Variants in TMEM54 observed in about 807,000 individuals in gnomAD.
TMEM54 encodes beta-casein-like protein.
In TMEM54, 21 loss-of-function variants were observed where a neutral mutation model predicts 21.3. The ratio of observed to expected loss-of-function variants is 0.99; its 90% CI spans 0.70 to 1.42. The LOEUF (loss-of-function observed/expected upper bound fraction) is 1.42, where lower values mean the gene tolerates loss of function less well. Among genes scored for constraint, TMEM54 ranks in the 40% most tolerant of loss-of-function variants. The pLI is 0.00. For missense variants in TMEM54, 246 were observed against 294.0 expected (o/e 0.84, Z 1.19); for synonymous variants, 109 against 125.0 (o/e 0.87, Z 0.86).
rs1052878528 is a variant in TMEM54, at chr1:32,895,549, A to G, written c.459+6T>C. Reference sequence around the variant, plus strand: ...TGGTGCCCCTACTCCAGGCCTAGGTACTCACATAAATGCGTGTGGGGTCGA... The same window carrying G: ...TGGTGCCCCTACTCCAGGCCTAGGTGCTCACATAAATGCGTGTGGGGTCGA... On this transcript the variant is annotated splice_donor_region_variant and intron_variant, in intron 4 of 5. Transcript: ENST00000373463. This position sits in a 1 kb window ranked among gnomAD's most constrained non-coding sequence, Gnocchi z 5.8. The G allele has an allele frequency of 4.4e-6, 7 of 1,592,794 alleles. No homozygotes were observed. The Admixed American group carries it at 1.3e-4, about 29-fold the overall frequency.
chr1:32,894,923 T>G (rs750916916), intron 5 of TMEM54, 44 bp from the exon 6 acceptor site: 1 of 1,595,922 alleles, frequency 6.3e-7, no homozygotes, highest in East Asian at 2.3e-5. Flanking sequence ...GTTCTCAGCC[T>G]GGGTCTCCTC....
Position 32,896,959 on chromosome 1 carries a change from G to C in TMEM54, c.211-990C>G, listed in dbSNP as rs1373916380. 6.6e-6 allele frequency among the ~76,000 whole-genome samples: 1 copy of C among 152,252 alleles called. No homozygotes were observed. Among genetic ancestry groups the C allele is most frequent in the African/African-American group, 2.4e-5 (1 of 41,464 alleles). Reference sequence around the variant, plus strand: ...TCAGCAGGAGGTTGGGTGAATCCCTGAGTCTTGGTTTCCTCTTTTGTGAAA... The same window carrying C: ...TCAGCAGGAGGTTGGGTGAATCCCTCAGTCTTGGTTTCCTCTTTTGTGAAA... On this transcript the variant is annotated intron_variant, in intron 2 of 5. Coordinates refer to ENST00000373463, the MANE Select transcript of TMEM54 (RefSeq NM_033504.4). This position sits in a 1 kb window ranked among gnomAD's most constrained non-coding sequence, Gnocchi z 4.1.
chr1:32,895,069 GC>G lies in TMEM54; in HGVS notation c.595-191del, dbSNP rs772914609. 1.0e-4 allele frequency: 88 copies of G among 859,184 alleles called. 2 individuals are homozygous for G. Among genetic ancestry groups the G allele is most frequent in the Non-Finnish European group, 2.4e-5 (17 of 714,786 alleles). 53.2% of individuals were successfully genotyped at this position (859,184 alleles called of 1,614,324 possible). Reference sequence around the variant, plus strand: ...CCTCAGTGCGAGCCCAGACACCCCTGCCCCTCCCTCAAGACTCATCCTGGGC... The same window carrying G: ...CCTCAGTGCGAGCCCAGACACCCCTGCCCTCCCTCAAGACTCATCCTGGGC... On this transcript the variant is annotated intron_variant, in intron 5 of 5. Coordinates refer to ENST00000373463, the MANE Select transcript of TMEM54 (RefSeq NM_033504.4). This position sits in a 1 kb window ranked among gnomAD's most constrained non-coding sequence, Gnocchi z 5.8.
chr1:32,895,433 T>C lies in TMEM54; in HGVS notation c.466A>G (p.Ser156Gly). Residue 156 changes from serine to glycine, a missense_variant, in exon 5 of 6, where the codon AGC becomes GGC. Physicochemically the swap from Ser to Gly is moderately conservative, Grantham distance 56 (BLOSUM62 0). Coordinates refer to ENST00000373463, the MANE Select transcript of TMEM54 (RefSeq NM_033504.4). The surrounding 1 kb of genome is among the most constrained non-coding windows in gnomAD (Gnocchi z 5.8). ...AGGGCGATGCCCCAGAGGCACAGGC[T>C]GGAGCTCTGCGGGGCATGGGGCAGA... Reference protein sequence around the residue: ...PFDPTRIYSSSLCLWGIALVL... With the variant: ...PFDPTRIYSSGLCLWGIALVL... 6.2e-7 allele frequency: 1 copy of C among 1,611,214 alleles called. No homozygotes were observed. Among genetic ancestry groups the C allele is most frequent in the Non-Finnish European group, 8.5e-7 (1 of 1,177,884 alleles).
In TMEM54 at chr1:32,901,126, C is replaced by G. The variant is rs1570044173; in HGVS notation, c.16+97G>C. The G allele has an allele frequency of 8.5e-6, 11 of 1,289,438 alleles. No homozygotes were observed. The East Asian group carries it at 3.3e-4, about 38-fold the overall frequency. The allele number at this position is 1,289,438 out of a possible 1,614,324, so 79.9% of individuals were successfully genotyped here. A position where few individuals can be genotyped will look rare whatever the true frequency, so the allele number is the denominator to read the frequency against. On this transcript the variant is annotated intron_variant, in intron 1 of 5. Coordinates refer to ENST00000373463, the MANE Select transcript of TMEM54 (RefSeq NM_033504.4). This position sits in a 1 kb window ranked among gnomAD's most constrained non-coding sequence, Gnocchi z 4.2. ...AGTAAGTTAGAGGCAGAGCAGGTGG[C>G]CTGGCCCCCTGGGGGCTCGGGTTCC...
rs776462084 is a variant in TMEM54 at position 32,895,650 on chromosome 1, T to C, written c.364A>G (p.Thr122Ala). ...GCAGCCAGCAGTGCCTTGCCCTGGG[T>C]GGCAAAGGTCATGGCGATGGAGGCC... is the stretch of plus-strand genomic sequence containing the variant. ...LLASIAMTFA[T>A]QGKALLAACT... The change falls in exon 4 of 6, where the codon ACC (threonine) becomes GCC (alanine). Residue 122 changes from threonine to alanine, a missense_variant. Transcript: ENST00000373463. The surrounding 1 kb of genome is among the most constrained non-coding windows in gnomAD (Gnocchi z 5.8). 1.3e-6 allele frequency: 2 copies of C among 1,564,716 alleles called. No homozygotes were observed. The highest frequency in any genetic ancestry group is 2.4e-5 in the East Asian group (1 of 42,456).
At position 32,895,967 on chromosome 1, in the gene TMEM54, G is replaced by T; in HGVS notation, c.213C>A (p.Val71=). Reference sequence around the variant, plus strand: ...CGATGGCTGCGATGCCTGAAGTGATGACCTGTAGGGAAGGCTCAAGTCAGC... The same window carrying T: ...CGATGGCTGCGATGCCTGAAGTGATTACCTGTAGGGAAGGCTCAAGTCAGC... ...NILSVTSAIV[V]ITSGIAAIVL... is the part of the protein sequence containing the mutation. The change falls in exon 3 of 6, where the codon GTC becomes GTA. Residue 71 remains valine (V), a splice_region_variant and synonymous_variant. Coordinates refer to ENST00000373463, the MANE Select transcript of TMEM54 (RefSeq NM_033504.4). This position sits in a 1 kb window ranked among gnomAD's most constrained non-coding sequence, Gnocchi z 5.8. 1.2e-6 allele frequency: 2 copies of T among 1,612,948 alleles called. No individual in the cohort carries two copies. The highest frequency in any genetic ancestry group is 1.1e-5 in the South Asian group (1 of 90,832).
chr1:32,899,748 T>G (rs953754432), intron 1 of TMEM54, among the ~76,000 whole-genome samples: 1 of 152,196 alleles, frequency 6.6e-6, no homozygotes. Context: ...CTGGGACATC[T>G]GTCTGAAGCT....
Position 32,898,201 on chromosome 1 carries a change from G to A in TMEM54, c.135C>T (p.Tyr45=), listed in dbSNP as rs372792305. ...CCACCGCATCTTGAGGGGTGCCCAC[G>A]TAGCGCAGCACTGTGCCATGGAACA... is the stretch of plus-strand genomic sequence containing the variant. ...AALFHGTVLR[Y]VGTPQDAVAL... is the part of the protein sequence containing the mutation. The change falls in exon 2 of 6, where the codon TAC becomes TAT. Residue 45 remains tyrosine, a synonymous_variant. Coordinates refer to ENST00000373463, the MANE Select transcript of TMEM54 (RefSeq NM_033504.4). 7 of 1,613,158 alleles carry A rather than the reference G, an allele frequency of 4.3e-6. No homozygotes were observed. The highest frequency in any genetic ancestry group is 2.7e-5 in the African/African-American group (2 of 74,922).
chr1:32,895,980 G>A lies in TMEM54; in HGVS notation c.211-11C>T, dbSNP rs1166993667. The stretch of plus-strand genomic sequence containing the variant: ...GCCTGAAGTGATGACCTGTAGGGAA[G>A]GCTCAAGTCAGCCCTGACTCCTTGG... On this transcript the variant is annotated splice_polypyrimidine_tract_variant and intron_variant, in intron 2 of 5. Coordinates refer to ENST00000373463, the MANE Select transcript of TMEM54 (RefSeq NM_033504.4). This position sits in a 1 kb window ranked among gnomAD's most constrained non-coding sequence, Gnocchi z 5.8. 1.2e-6 allele frequency: 2 copies of A among 1,611,748 alleles called. No homozygotes were observed. Among genetic ancestry groups the A allele is most frequent in the African/African-American group, 1.3e-5 (1 of 74,892 alleles).
Position 32,901,371 on chromosome 1 carries a change from C to T in TMEM54, c.-133G>A, listed in dbSNP as rs1011202980. On this transcript the variant is annotated 5_prime_UTR_variant, in exon 1 of 6. Coordinates refer to ENST00000373463, the MANE Select transcript of TMEM54 (RefSeq NM_033504.4). This position sits in a 1 kb window ranked among gnomAD's most constrained non-coding sequence, Gnocchi z 4.2. ...ACCGTCGCGCTCGCCCACTTCCCGCCCGGAGCCCGGGGCTGGGCGGCGCCG... is the reference window on the plus strand; with the variant it reads ...ACCGTCGCGCTCGCCCACTTCCCGCTCGGAGCCCGGGGCTGGGCGGCGCCG... The T allele has an allele frequency of 4.4e-6, 4 of 903,754 alleles. No homozygotes were observed. In the Admixed American group the frequency reaches 1.5e-4, roughly 33 times the overall value. The allele number at this position is 903,754 out of a possible 1,614,324, so 56.0% of individuals were successfully genotyped here. A position where few individuals can be genotyped will look rare whatever the true frequency, so the allele number is the denominator to read the frequency against.
chr1:32,899,380 G>A (rs1237202172), intron 1 of TMEM54, among the ~76,000 whole-genome samples: 1 of 137,440 alleles, frequency 7.3e-6, no homozygotes, highest in Non-Finnish European at 1.5e-5. Context: ...ATATACGGTA[G>A]CTCTGCAGCT....
Position 32,895,158 on chromosome 1 carries a change from A to C in TMEM54, c.594+147T>G. ...GGAGATCTCACCTCTCCCAGCCTCCAGGCCTCTCCCTTTGCTCCTGGGGAG... is the reference window on the plus strand; with the variant it reads ...GGAGATCTCACCTCTCCCAGCCTCCCGGCCTCTCCCTTTGCTCCTGGGGAG... On this transcript the variant is annotated intron_variant, in intron 5 of 5. Transcript: ENST00000373463. The surrounding 1 kb of genome is among the most constrained non-coding windows in gnomAD (Gnocchi z 5.8). 1 of 1,268,722 alleles carries C rather than the reference A, an allele frequency of 7.9e-7. No homozygotes were observed. Among genetic ancestry groups the C allele is most frequent in the Non-Finnish European group, 1.1e-6 (1 of 936,450 alleles). The allele number at this position is 1,268,722 out of a possible 1,614,324, so 78.6% of individuals were successfully genotyped here.
In TMEM54 at chr1:32,895,951, C is replaced by T. The variant is rs139394643; in HGVS notation, c.229G>A (p.Ala77Thr). 4,675 of 1,613,290 alleles carry T rather than the reference C, an allele frequency of 2.9e-3. 14 individuals carry two copies. Among genetic ancestry groups the T allele is most frequent in the Non-Finnish European group, 3.5e-3 (4,165 of 1,179,682 alleles). Residue 77 changes from alanine (A) to threonine (T), a missense_variant, in exon 3 of 6, where the codon GCA (alanine) becomes ACA (threonine). By Grantham distance (58) the Ala-to-Thr change is moderately conservative (BLOSUM62 0). Transcript: ENST00000373463. The surrounding 1 kb of genome is among the most constrained non-coding windows in gnomAD (Gnocchi z 5.8). ...AGGTAGCGTGACAACACGATGGCTG[C>T]GATGCCTGAAGTGATGACCTGTAGG... ...SAIVVITSGI[A>T]AIVLSRYLPS...
rs764490026 is a variant in TMEM54 at position 32,894,769 on chromosome 1, C to T, written c.*36G>A. On this transcript the variant is annotated 3_prime_UTR_variant, in exon 6 of 6. Transcript: ENST00000373463. Reference sequence around the variant, plus strand: ...CACAGAGCAGAGTTGCTTGCAGGGTCCTAGTGGCCATCGGGCCTGGGCAGG... The same window carrying T: ...CACAGAGCAGAGTTGCTTGCAGGGTTCTAGTGGCCATCGGGCCTGGGCAGG... 1 of 1,600,108 alleles carries T rather than the reference C, an allele frequency of 6.2e-7. No homozygotes were observed. Among genetic ancestry groups the T allele is most frequent in the South Asian group, 1.1e-5 (1 of 90,626 alleles).
At position 32,897,454 on chromosome 1, in the gene TMEM54, C is replaced by T. The variant is rs34604897; in HGVS notation, c.210+672G>A. ...CCCCTCCATTCATGTGCTAGTCAAACAGGTACTGATATCTGGTCACAACCG... is the reference window on the plus strand; with the variant it reads ...CCCCTCCATTCATGTGCTAGTCAAATAGGTACTGATATCTGGTCACAACCG... On this transcript the variant is annotated intron_variant, in intron 2 of 5. Coordinates refer to ENST00000373463, the MANE Select transcript of TMEM54 (RefSeq NM_033504.4). This position sits in a 1 kb window ranked among gnomAD's most constrained non-coding sequence, Gnocchi z 4.9. Among the ~76,000 whole-genome samples, 6,827 of 152,300 alleles carry T rather than the reference C, an allele frequency of 0.045. 257 individuals carry two copies. Among genetic ancestry groups the T allele is most frequent in the Admixed American group, 0.13 (2,012 of 15,292 alleles).
Position 32,895,180 on chromosome 1 carries a change from G to A in TMEM54, c.594+125C>T. The A allele has an allele frequency of 7.3e-7, 1 of 1,372,434 alleles. No individual in the cohort carries two copies. Among genetic ancestry groups the A allele is most frequent in the South Asian group, 1.5e-5 (1 of 66,814 alleles). The allele number at this position is 1,372,434 out of a possible 1,614,324, so 85.0% of individuals were successfully genotyped here. On this transcript the variant is annotated intron_variant, in intron 5 of 5. Transcript: ENST00000373463. The surrounding 1 kb of genome is among the most constrained non-coding windows in gnomAD (Gnocchi z 5.8). ...TCCAGGCCTCTCCCTTTGCTCCTGGGGAGAAAACTTCTGCCCCATTTCTCA... is the reference window on the plus strand; with the variant it reads ...TCCAGGCCTCTCCCTTTGCTCCTGGAGAGAAAACTTCTGCCCCATTTCTCA...
chr1:32,897,512 C>A lies in TMEM54; in HGVS notation c.210+614G>T, dbSNP rs753446274. 6.6e-6 allele frequency among the ~76,000 whole-genome samples: 1 copy of A among 152,186 alleles called. No individual in the cohort carries two copies. On this transcript the variant is annotated intron_variant, in intron 2 of 5. Transcript: ENST00000373463. The surrounding 1 kb of genome is among the most constrained non-coding windows in gnomAD (Gnocchi z 4.9). ...CATTCATTGAGCAGTTGCTACAGAC[C>A]GGGCCTAATGCTAAGCTCCTGCCAA... is the stretch of plus-strand genomic sequence containing the variant.
Position 32,895,381 on chromosome 1 carries a change from A to G in TMEM54, c.518T>C (p.Phe173Ser), listed in dbSNP as rs1641562543. The G allele has an allele frequency of 6.2e-7, 1 of 1,614,104 alleles. No homozygotes were observed. The highest frequency in any genetic ancestry group is 1.3e-5 in the African/African-American group (1 of 75,050). The change falls in exon 5 of 6, where the codon TTT (phenylalanine) becomes TCT (serine). Residue 173 changes from phenylalanine (F) to serine (S), a missense_variant. By Grantham distance (155) the Phe-to-Ser change is radical. Transcript: ENST00000373463. The surrounding 1 kb of genome is among the most constrained non-coding windows in gnomAD (Gnocchi z 5.8). ...GGTGAGCTGAGCACAGCGTACAGCAAACACGTTCTCCGCCACGCAGAGCAC... is the reference window on the plus strand; with the variant it reads ...GGTGAGCTGAGCACAGCGTACAGCAGACACGTTCTCCGCCACGCAGAGCAC... ...ALVLCVAENV[F>S]AVRCAQLTHQ...
Sources: gnomAD v4.1 joint callset for allele counts (sites outside exome capture counted in the v4.1 genomes callset) on GRCh38, gnomAD v4.1.1 for gene constraint, Gnocchi (gnomAD v3.1) non-coding constraint, MANE v1.5 for transcripts, NCBI Gene and HGNC (gene_info 2026-07-23, HGNC 2026-07-21) for gene names.